The following SREK1IP1 variants were observed in gnomAD, a reference collection of about 807,000 sequenced individuals.
SREK1IP1 encodes the protein SREK1 interacting protein 1.
A neutral mutation model predicts 22.8 loss-of-function variants in SREK1IP1; 12 were observed. The observed-to-expected ratio is 0.53, with a 90% CI of 0.34 to 0.85. SREK1IP1 has a LOEUF of 0.85. Ranked by LOEUF, SREK1IP1 falls within the 40% of genes least tolerant of loss-of-function variation. SREK1IP1 has a pLI of 0.02. For synonymous variants in SREK1IP1, 53 were observed against 52.7 expected, an observed-to-expected ratio of 1.01 and a Z score of -0.02; for missense variants, 147 against 171.8, an observed-to-expected ratio of 0.86 and a Z score of 0.81.
intron 3 of SREK1IP1, among the ~76,000 whole-genome samples, chr5:64,737,454 GA>G (rs1742482807): frequency 7.1e-6 from 1 of 140,904 alleles, no homozygotes; most frequent in Non-Finnish European, 1.5e-5. Context: ...AAATTTATAT[GA>G]TAAATGATTT....
At chr5:64,737,459 A>C (rs1044429253) in intron 3 of SREK1IP1, among the ~76,000 whole-genome samples, 1 of 150,362 alleles carries the variant, frequency 6.7e-6, no homozygotes, top group Non-Finnish European at 1.5e-5. Context: ...TATATGATAA[A>C]TGATTTTATT....
chr5:64,767,574 A>C (rs1423850607), intron 1 of SREK1IP1, among the ~76,000 whole-genome samples: 2 of 152,250 alleles, frequency 1.3e-5, no homozygotes, highest in African/African-American at 4.8e-5. Flanking sequence ...GCTGCCACAG[A>C]ATAAAGAACC....
At chr5:64,759,083 G>A (rs1479010826) in intron 1 of SREK1IP1, among the ~76,000 whole-genome samples, 4 of 152,202 alleles carry the variant, frequency 2.6e-5, no homozygotes, top group African/African-American at 9.7e-5. Context: ...CCAGTTTCCA[G>A]GGGCACTGAT....
chr5:64,761,666 CAGTT>C (rs1376886157), intron 1 of SREK1IP1, among the ~76,000 whole-genome samples: 2 of 152,192 alleles, frequency 1.3e-5, no homozygotes, highest in African/African-American at 4.8e-5. Context: ...TATATGCAGT[CAGTT>C]ATTGACCAAA....
chr5:64,760,546 T>G (rs1003322006), intron 1 of SREK1IP1, among the ~76,000 whole-genome samples: 2 of 152,168 alleles, frequency 1.3e-5, no homozygotes, highest in Non-Finnish European at 2.9e-5. Context: ...CTGATAGGCC[T>G]GCAGCTGCAG....
rs1742179869 is a variant in SREK1IP1, at chr5:64,722,320, T to C, written c.*2064A>G. On this transcript the variant is annotated 3_prime_UTR_variant, in exon 5 of 5. Transcript: ENST00000513458. ...ATTGTGTCACCATTCAGAAACCTAA[T>C]GAGCCAATTTATAATCTCTACAATT... is the stretch of plus-strand genomic sequence containing the variant. 6.6e-6 allele frequency: 1 copy of C among 152,188 alleles called. No homozygotes were observed. Among genetic ancestry groups the C allele is most frequent in the Admixed American group, 6.5e-5 (1 of 15,280 alleles). The allele number at this position is 152,188 out of a possible 1,614,324, so 9.4% of individuals were successfully genotyped here.
At chr5:64,725,841 GTTTT>G (rs558454743) in intron 4 of SREK1IP1, among the ~76,000 whole-genome samples, 2 of 128,864 alleles carry the variant, frequency 1.6e-5, no homozygotes, top group East Asian at 2.4e-4. Flanking sequence ...TGGTCCTGAA[GTTTT>G]TTTTTTTGTT....
intron 3 of SREK1IP1, among the ~76,000 whole-genome samples, chr5:64,733,063 A>G (rs1742404042): frequency 6.6e-6 from 1 of 152,124 alleles, no homozygotes; most frequent in African/African-American, 2.4e-5. Flanking sequence ...ATGGACTTAA[A>G]TGTAAAATTA....
chr5:64,751,557 T>C (rs886700761), intron 2 of SREK1IP1, among the ~76,000 whole-genome samples: 23 of 152,190 alleles, frequency 1.5e-4, no homozygotes, highest in Non-Finnish European at 7.4e-5. Flanking sequence ...CATTGGCATT[T>C]GGGGCCAGAA....
chr5:64,724,712 T>C, intron 4 of SREK1IP1, 139 bp from the exon 5 acceptor site: 1 of 647,218 alleles, frequency 1.5e-6, no homozygotes, highest in Middle Eastern at 4.8e-4. Context: ...CTTCATATAT[T>C]TGCATTCCCT....
At chr5:64,753,970 C>T (rs574428270) in intron 2 of SREK1IP1, among the ~76,000 whole-genome samples, 297 of 152,246 alleles carry the variant, frequency 2.0e-3, no homozygotes, top group Non-Finnish European at 3.3e-3. Flanking sequence ...TTTGCATTGC[C>T]TTCACTTTTT....
intron 1 of SREK1IP1, among the ~76,000 whole-genome samples, chr5:64,766,810 TG>T (rs1743039320): frequency 6.6e-6 from 1 of 152,192 alleles, no homozygotes; most frequent in Non-Finnish European, 1.5e-5. Context: ...ATCTGTAAAA[TG>T]GGAATATTAA....
chr5:64,736,917 T>G (rs76387755), intron 3 of SREK1IP1, among the ~76,000 whole-genome samples: 4 of 126,472 alleles, frequency 3.2e-5, no homozygotes, highest in Non-Finnish European at 4.6e-5. Context: ...TCTCTCTTCT[T>G]TTTTTTTTTT....
At chr5:64,749,089 AATAATAATAATAATAAT>A (rs1742696943) in intron 2 of SREK1IP1, among the ~76,000 whole-genome samples, 2 of 147,778 alleles carry the variant, frequency 1.4e-5, no homozygotes, top group African/African-American at 4.9e-5. Flanking sequence ...TAATAATAAT[AATAATAATAATAATAAT>A]AAAAACCCTC....
At chr5:64,728,416 C>A (rs1209238627) in intron 3 of SREK1IP1, among the ~76,000 whole-genome samples, 1 of 151,894 alleles carries the variant, frequency 6.6e-6, no homozygotes, top group Non-Finnish European at 1.5e-5. Context: ...ATGCAAGTAC[C>A]CCACCTCTAA....
chr5:64,735,221 T>A (rs556297902), intron 3 of SREK1IP1, among the ~76,000 whole-genome samples: 12 of 152,154 alleles, frequency 7.9e-5, no homozygotes, highest in Middle Eastern at 3.4e-3. Context: ...ATAAAACAAA[T>A]GTATTCCTGA....
intron 3 of SREK1IP1, among the ~76,000 whole-genome samples, chr5:64,740,096 AC>A (rs1742528368): frequency 2.0e-5 from 3 of 152,064 alleles, no homozygotes; most frequent in Non-Finnish European, 4.4e-5. Context: ...ATCCCTAAAA[AC>A]CCCACTGCAA....
At chr5:64,746,187 C>T (rs6449752) in intron 2 of SREK1IP1, among the ~76,000 whole-genome samples, 82 of 152,088 alleles carry the variant, frequency 5.4e-4, no homozygotes, top group Non-Finnish European at 5.9e-4. Context: ...TGTAGTTGGA[C>T]CCCTCACCTC....
chr5:64,735,738 G>A (rs907022946), intron 3 of SREK1IP1, among the ~76,000 whole-genome samples: 3 of 152,018 alleles, frequency 2.0e-5, no homozygotes, highest in Non-Finnish European at 4.4e-5. Context: ...AGTAATATAT[G>A]CTTTTTCTCT....
Sources: gnomAD v4.1 joint callset for allele counts (sites outside exome capture counted in the v4.1 genomes callset) on GRCh38, gnomAD v4.1.1 for gene constraint, MANE v1.5 for transcripts, NCBI Gene and HGNC (gene_info 2026-07-23, HGNC 2026-07-21) for gene names.